The following CTU2 variants were observed in gnomAD, a reference collection of about 807,000 sequenced individuals.
CTU2 encodes cytoplasmic tRNA 2-thiolation protein 2.
CTU2 carries 80 observed loss-of-function variants against 64.1 expected under a neutral mutation model. The ratio of observed to expected loss-of-function variants is 1.25; its 90% CI spans 1.04 to 1.50. The LOEUF (loss-of-function observed/expected upper bound fraction) is 1.50. Ranked by LOEUF, CTU2 falls within the 40% of genes most tolerant of loss-of-function variation. The pLI is 0.00. For synonymous variants in CTU2, 482 were observed against 285.3 expected, an observed-to-expected ratio of 1.69 and a Z score of -6.95; for missense variants, 1,110 against 690.2, an observed-to-expected ratio of 1.61 and a Z score of -6.81.
Position 88,712,711 on chromosome 16 carries a change from C to A in CTU2, c.543C>A (p.Phe181Leu). 6.2e-7 allele frequency: 1 copy of A among 1,610,122 alleles called. No homozygotes were observed. The highest frequency in any genetic ancestry group is 8.5e-7 in the Non-Finnish European group (1 of 1,179,240). Residue 181 changes from phenylalanine (F) to leucine (L), a missense_variant, in exon 7 of 15, where the codon TTC (phenylalanine) becomes TTA (leucine). Coordinates refer to ENST00000453996, the MANE Select transcript of CTU2 (RefSeq NM_001012759.3). ...EGAYKAAVDS[F>L]LQQQHVLGAG... Reference sequence around the variant, plus strand: ...CCTACAAGGCGGCCGTGGACAGCTTCCTCCAGCAGCAGCATGTGCTGGGGG... The same window carrying A: ...CCTACAAGGCGGCCGTGGACAGCTTACTCCAGCAGCAGCATGTGCTGGGGG...
intron 12 of CTU2, 34 bp from the exon 13 acceptor site, chr16:88,714,826 C>A (rs759692097): frequency 6.2e-7 from 1 of 1,612,098 alleles, no homozygotes; most frequent in Non-Finnish European, 8.5e-7. Flanking sequence ...ATTGAGGTGC[C>A]AAGGTGGGCA....
intron 3 of CTU2, 61 bp from the exon 4 acceptor site, chr16:88,710,162 A>G (rs984332015): frequency 1.3e-6 from 2 of 1,599,706 alleles, no homozygotes; most frequent in African/African-American, 2.7e-5. Flanking sequence ...GATGTCCACG[A>G]GGTGGGGTGT....
chr16:88,714,272 C>G (rs1911673652), intron 10 of CTU2, 45 bp downstream of exon 10: 2 of 1,591,990 alleles, frequency 1.3e-6, no homozygotes, highest in South Asian at 2.2e-5. Flanking sequence ...CGGGTGTGTG[C>G]TGTGCGCGGG....
At position 88,712,358 on chromosome 16, in the gene CTU2, CATGGCATGTGGTGG is replaced by C; in HGVS notation, c.429_442del (p.Trp144LeufsTer75). 1.2e-6 allele frequency: 2 copies of C among 1,609,830 alleles called. No individual in the cohort carries two copies. The highest frequency in any genetic ancestry group is 1.7e-6 in the Non-Finnish European group (2 of 1,178,008). ...CCCATTCTGCAAGCAACTGGGTTCC[CATGGCATGTGGTGG>C]CCTTAGAGGAGGTGGGAGGGCTGTC... On this transcript the variant is annotated frameshift_variant, in exon 6 of 15. Transcript: ENST00000453996. LOFTEE classifies it high-confidence loss of function.
rs1182150425 is a variant in CTU2 at position 88,706,556 on chromosome 16, G to A, written c.26G>A (p.Gly9Glu). 3.4e-6 allele frequency: 5 copies of A among 1,459,046 alleles called. No homozygotes were observed. The highest frequency in any genetic ancestry group is 1.8e-6 in the Non-Finnish European group (2 of 1,112,522). The allele number at this position is 1,459,046 out of a possible 1,614,324, so 90.4% of individuals were successfully genotyped here. Reference sequence around the variant, plus strand: ...ATGTGTCAGGTGGGCGAGGACTACGGGGAGCCGGCGCCTGAGGAGCCGCCC... The same window carrying A: ...ATGTGTCAGGTGGGCGAGGACTACGAGGAGCCGGCGCCTGAGGAGCCGCCC... MCQVGEDYGEPAPEEPPPA... is the reference protein window; with the variant it reads MCQVGEDYEEPAPEEPPPA... Residue 9 changes from glycine (G) to glutamate (E), a missense_variant, in exon 1 of 15, where the codon GGG becomes GAG. Physicochemically the swap from Gly to Glu is moderately conservative, Grantham distance 98 (BLOSUM62 -2). Transcript: ENST00000453996.
chr16:88,714,671 C>T lies in CTU2; in HGVS notation c.1286C>T (p.Pro429Leu), dbSNP rs368491387. ...ATCCCCCTGACTGAGACCCGGACAC[C>T]CCCGGGGCCCTGCTGTTCTCCAGGG... The part of the protein sequence containing the change: ...SPIPLTETRT[P>L]PGPCCSPGVG... The change falls in exon 12 of 15, where the codon CCC becomes CTC. Residue 429 changes from proline (P) to leucine (L), a missense_variant. Pro to Leu is a moderately conservative substitution (Grantham distance 98). Coordinates refer to ENST00000453996, the MANE Select transcript of CTU2 (RefSeq NM_001012759.3). 4 of 1,612,464 alleles carry T rather than the reference C, an allele frequency of 2.5e-6. No homozygotes were observed. The highest frequency in any genetic ancestry group is 2.7e-5 in the African/African-American group (2 of 75,046).
rs374254628 is a variant in CTU2 at position 88,711,621 on chromosome 16, G to C, written c.283-14G>C. 160 of 1,590,418 alleles carry C rather than the reference G, an allele frequency of 1.0e-4. 1 individual carries two copies. Among genetic ancestry groups the C allele is most frequent in the Non-Finnish European group, 1.1e-4 (124 of 1,164,484 alleles). ...TATGGCTGGGGGCTGAGTCCCTGCT[G>C]CTTCTCCCTCTAGGGCCTGAGCCAA... On this transcript the variant is annotated splice_polypyrimidine_tract_variant and intron_variant, in intron 4 of 14. Coordinates refer to ENST00000453996, the MANE Select transcript of CTU2 (RefSeq NM_001012759.3).
In CTU2 at chr16:88,712,339, C is replaced by G; in HGVS notation, c.409C>G (p.Leu137Val). Residue 137 changes from leucine to valine, a missense_variant, in exon 6 of 15, where the codon CTG becomes GTG. Physicochemically the swap from Leu to Val is conservative, Grantham distance 32. Coordinates refer to ENST00000453996, the MANE Select transcript of CTU2 (RefSeq NM_001012759.3). ...GACCCTGGCCGAAGTGAAGCCCATT[C>G]TGCAAGCAACTGGGTTCCCATGGCA... is the stretch of plus-strand genomic sequence containing the variant. ...SKTLAEVKPI[L>V]QATGFPWHVV... The G allele has an allele frequency of 6.2e-7, 1 of 1,610,734 alleles. No individual in the cohort carries two copies. Among genetic ancestry groups the G allele is most frequent in the Non-Finnish European group, 8.5e-7 (1 of 1,178,508 alleles).
chr16:88,712,781 C>G lies in CTU2; in HGVS notation c.613C>G (p.Gln205Glu). The G allele has an allele frequency of 6.2e-7, 1 of 1,608,246 alleles. No homozygotes were observed. The highest frequency in any genetic ancestry group is 8.5e-7 in the Non-Finnish European group (1 of 1,178,024). The change falls in exon 7 of 15, where the codon CAG becomes GAG. Residue 205 changes from glutamine to glutamate, a missense_variant. By Grantham distance (29) the Gln-to-Glu change is conservative. Coordinates refer to ENST00000453996, the MANE Select transcript of CTU2 (RefSeq NM_001012759.3). ...GPTQGEEQPPQPPLDPQNLAR... is the reference protein window; with the variant it reads ...GPTQGEEQPPEPPLDPQNLAR... ...GACTCAAGGGGAGGAACAGCCACCC[C>G]AGCCCCCGCTGGACCCCCAGAACCT...
chr16:88,707,360 G>A, intron 2 of CTU2, 150 bp downstream of exon 2: 1 of 756,972 alleles, frequency 1.3e-6, no homozygotes, highest in Middle Eastern at 3.0e-4. Context: ...CCCTGGTGTT[G>A]AAGTGGAGGC....
In CTU2 at chr16:88,712,029, A is replaced by AG. The variant is rs756436746; in HGVS notation, c.344-241dup. The AG allele has an allele frequency of 7.5e-4, 289 of 387,316 alleles. 1 individual carries two copies. The highest frequency in any genetic ancestry group is 1.2e-3 in the Non-Finnish European group (213 of 184,552). 24.0% of individuals were successfully genotyped at this position (387,316 alleles called of 1,614,324 possible). On this transcript the variant is annotated intron_variant, in intron 5 of 14. Coordinates refer to ENST00000453996, the MANE Select transcript of CTU2 (RefSeq NM_001012759.3). ...AAGTGCTGATGGTGAGCGGGGGCCC[A>AG]GGGGCCGACTCCCCGACCCTTGCTC...
chr16:88,708,047 C>G (rs1347441903), intron 2 of CTU2, among the ~76,000 whole-genome samples: 1 of 152,180 alleles, frequency 6.6e-6, no homozygotes, highest in Non-Finnish European at 1.5e-5. Flanking sequence ...CTCCTGACCT[C>G]AAGTGATCCA....
chr16:88,713,513 G>T (rs1002259542), intron 8 of CTU2, 66 bp downstream of exon 8: 12 of 1,538,736 alleles, frequency 7.8e-6, no homozygotes, highest in Non-Finnish European at 1.0e-5. Context: ...ACCTTTACTG[G>T]AGAGTAGCCT....
In CTU2 at chr16:88,713,437, C is replaced by T; in HGVS notation, c.863C>T (p.Ala288Val). The change falls in exon 8 of 15, where the codon GCC (alanine) becomes GTC (valine). Residue 288 changes from alanine (A) to valine (V), a missense_variant. By Grantham distance (64) the Ala-to-Val change is moderately conservative (BLOSUM62 0). Coordinates refer to ENST00000453996, the MANE Select transcript of CTU2 (RefSeq NM_001012759.3). ...NLALGRGAFL[A>V]WDTGFSDERH... ...GCGCTGGGTCGAGGGGCCTTCCTGG[C>T]CTGGGATACGGTAGGCAGGGGCCTG... 2 of 1,582,086 alleles carry T rather than the reference C, an allele frequency of 1.3e-6. No individual in the cohort carries two copies. The highest frequency in any genetic ancestry group is 1.2e-5 in the South Asian group (1 of 86,414).
intron 2 of CTU2, among the ~76,000 whole-genome samples, chr16:88,708,161 A>C (rs11076702): frequency 0.92 from 139,472 of 152,298 alleles, 63,952 homozygotes; most frequent in East Asian, 0.98. Context: ...AATTGCCAAG[A>C]ACACCAGGCT....
chr16:88,710,140 C>A, intron 3 of CTU2, 83 bp from the exon 4 acceptor site: 5 of 1,580,140 alleles, frequency 3.2e-6, no homozygotes, highest in Non-Finnish European at 4.3e-6. Context: ...TGAGGACAGA[C>A]TCGATGTCCT....
rs765038363 is a variant in CTU2 at position 88,714,573 on chromosome 16, C to T, written c.1202-14C>T. 11 of 1,612,480 alleles carry T rather than the reference C, an allele frequency of 6.8e-6. No individual in the cohort carries two copies. In the African/African-American group the frequency reaches 1.3e-4, roughly 20 times the overall value. ...CAGCAGCCCCAGGCTCCGTCACCCC[C>T]TCTCTGCTTGCAGACAGTGCCACGG... On this transcript the variant is annotated splice_polypyrimidine_tract_variant and intron_variant, in intron 11 of 14. Coordinates refer to ENST00000453996, the MANE Select transcript of CTU2 (RefSeq NM_001012759.3).
Position 88,712,871 on chromosome 16 carries a change from C to G in CTU2, c.703C>G (p.Leu235Val). ...LSQLFCSVRT[L>V]TAKEELLQTL... The stretch of plus-strand genomic sequence containing the variant: ...CCAACTGTTCTGCTCAGTGAGGACA[C>G]TGACTGCCAAGGAGGAGCTTCTGCA... The change falls in exon 7 of 15, where the codon CTG becomes GTG. Residue 235 changes from leucine (L) to valine (V), a missense_variant. Transcript: ENST00000453996. The G allele has an allele frequency of 6.5e-7, 1 of 1,546,020 alleles. No homozygotes were observed. The highest frequency in any genetic ancestry group is 8.7e-7 in the Non-Finnish European group (1 of 1,147,060).
intron 4 of CTU2, 38 bp downstream of exon 4, chr16:88,710,320 C>G (rs779559096): frequency 3.7e-6 from 6 of 1,610,584 alleles, no homozygotes; most frequent in Non-Finnish European, 5.1e-6. Context: ...GGCTGCTGGG[C>G]TGAGCTTCAG....
Sources: allele counts gnomAD v4.1 joint callset (sites outside exome capture counted in the v4.1 genomes callset), GRCh38; gene constraint gnomAD v4.1.1; transcripts MANE v1.5; gene names NCBI Gene and HGNC (gene_info 2026-07-23, HGNC 2026-07-21).